The following NALCN variants were observed in gnomAD, a reference collection of about 807,000 sequenced individuals.
NALCN encodes sodium leak channel NALCN.
NALCN carries 111 observed loss-of-function variants against 225.3 expected under a neutral mutation model. The ratio of observed to expected loss-of-function variants is 0.49; its 90% CI spans 0.42 to 0.58. The LOEUF (loss-of-function observed/expected upper bound fraction) is 0.58. NALCN is among the 20% of genes least tolerant of loss of function. NALCN has a pLI of 0.00. For missense variants in NALCN, 1,378 were observed against 2,202.4 expected (o/e 0.63, Z 7.49); for synonymous variants, 764 against 769.0 (o/e 0.99, Z 0.11).
intron 15 of NALCN, among the ~76,000 whole-genome samples, chr13:101,175,786 A>T (rs1401888461): frequency 6.6e-6 from 1 of 152,216 alleles, no homozygotes; most frequent in Non-Finnish European, 1.5e-5. Flanking sequence ...TCTCTGGGGT[A>T]TAACTTTCAC....
At chr13:101,160,770 G>A (rs1594335869) in intron 15 of NALCN, among the ~76,000 whole-genome samples, 1 of 152,122 alleles carries the variant, frequency 6.6e-6, no homozygotes, top group East Asian at 1.9e-4. Context: ...GCCAAAGACA[G>A]GGACTTTCTA....
At chr13:101,362,459 T>C (rs984410627) in intron 6 of NALCN, among the ~76,000 whole-genome samples, 8 of 152,076 alleles carry the variant, frequency 5.3e-5, no homozygotes, top group Non-Finnish European at 1.0e-4. Flanking sequence ...ATAAACATGA[T>C]ACATTACATA....
chr13:101,366,142 A>G (rs1164058709), intron 6 of NALCN, among the ~76,000 whole-genome samples: 1 of 152,066 alleles, frequency 6.6e-6, no homozygotes, highest in African/African-American at 2.4e-5. Context: ...TGCTCTCCTC[A>G]ACTTTCTTTA....
At chr13:101,220,237 A>G (rs147195006) in intron 13 of NALCN, among the ~76,000 whole-genome samples, 3 of 152,314 alleles carry the variant, frequency 2.0e-5, no homozygotes, top group Non-Finnish European at 4.4e-5. Flanking sequence ...TGTTCTGGTC[A>G]TGTCCTGTGC....
At chr13:101,349,576 C>T (rs778852755) in intron 6 of NALCN, among the ~76,000 whole-genome samples, 2 of 152,148 alleles carry the variant, frequency 1.3e-5, no homozygotes, top group South Asian at 4.1e-4. Flanking sequence ...GGGAGGAAGA[C>T]ACAGATGCAA....
chr13:101,385,528 C>G (rs1305048785), intron 3 of NALCN, among the ~76,000 whole-genome samples: 1 of 152,156 alleles, frequency 6.6e-6, no homozygotes, highest in Non-Finnish European at 1.5e-5. Context: ...CCCAGAATCA[C>G]TATGAACCTA....
At chr13:101,146,261 G>A (rs2037338183) in intron 15 of NALCN, among the ~76,000 whole-genome samples, 1 of 152,144 alleles carries the variant, frequency 6.6e-6, no homozygotes, top group South Asian at 2.1e-4. Flanking sequence ...GGTAGCCTTT[G>A]GTTTTTCTGT....
chr13:101,289,642 T>C (rs2043477669), intron 9 of NALCN, among the ~76,000 whole-genome samples: 1 of 151,976 alleles, frequency 6.6e-6, no homozygotes, highest in Non-Finnish European at 1.5e-5. Context: ...AGTCCTTTGA[T>C]GAGAATAGCC....
At chr13:101,371,508 T>G (rs2046539273) in intron 6 of NALCN, among the ~76,000 whole-genome samples, 1 of 152,160 alleles carries the variant, frequency 6.6e-6, no homozygotes, top group South Asian at 2.1e-4. Flanking sequence ...ATTTTTATTT[T>G]TTTAAAAACT....
At chr13:101,378,881 A>G (rs367802803) in intron 3 of NALCN, among the ~76,000 whole-genome samples, 11 of 149,934 alleles carry the variant, frequency 7.3e-5, no homozygotes, top group Admixed American at 4.7e-4. Context: ...TAATTCATGC[A>G]AAGGGAAAAT....
In NALCN at chr13:101,104,311, T is replaced by A. The variant is rs1312952522; in HGVS notation, c.2873A>T (p.Asp958Val). The change falls in exon 25 of 44, where the codon GAC (aspartate) becomes GTC (valine). Residue 958 changes from aspartate to valine, a missense_variant. Physicochemically the swap from Asp to Val is radical, Grantham distance 152 (BLOSUM62 -3). Around this residue, in one of 19 missense-constraint regions of NALCN, gnomAD observed 292 missense variants for 409.5 expected, o/e 0.71. Transcript: ENST00000251127. The surrounding 1 kb of genome is among the most constrained non-coding windows in gnomAD (Gnocchi z 4.2). ...AAGACTTACAAGATATATAAATATG[T>A]CCATTACTCCACCGAAGTCCCTGAT... ...AVIRDFGGVM[D>V]IFIYLVSLIF... The A allele has an allele frequency of 6.2e-7, 1 of 1,609,278 alleles. No homozygotes were observed. The highest frequency in any genetic ancestry group is 1.3e-5 in the African/African-American group (1 of 74,542).
At chr13:101,384,328 C>T (rs1193038783) in intron 3 of NALCN, among the ~76,000 whole-genome samples, 2 of 152,002 alleles carry the variant, frequency 1.3e-5, no homozygotes, top group African/African-American at 4.8e-5. Context: ...ACTTTGGTGG[C>T]TGAGGAGAGG....
rs557940676 is a variant in NALCN, at chr13:101,209,029, A to G, written c.1627-16975T>C. Among the ~76,000 whole-genome samples the G allele has an allele frequency of 2.0e-5, 3 of 152,190 alleles. No homozygotes were observed. In the East Asian group the frequency reaches 5.8e-4, roughly 29 times the overall value. On this transcript the variant is annotated intron_variant, in intron 13 of 43. Coordinates refer to ENST00000251127, the MANE Select transcript of NALCN (RefSeq NM_052867.4). ...ACACTTCTAGTTATTGTAGCCTTAT[A>G]TGTTTTCTTGTTGGTTCTCATCAAT...
At chr13:101,397,109 T>TATATATATACACAC (rs1169730118) in intron 2 of NALCN, among the ~76,000 whole-genome samples, 2 of 80,970 alleles carry the variant, frequency 2.5e-5, no homozygotes, top group African/African-American at 8.9e-5. Context: ...TATATATATA[T>TATATATATACACAC]ACATACACAT....
intron 13 of NALCN, among the ~76,000 whole-genome samples, chr13:101,205,602 G>A (rs2040281310): frequency 6.6e-6 from 1 of 152,082 alleles, no homozygotes; most frequent in Admixed American, 6.6e-5. Context: ...GTGAAAATGA[G>A]ACCTGGAGAT....
At chr13:101,314,944 C>T (rs1054976274) in intron 7 of NALCN, among the ~76,000 whole-genome samples, 11 of 152,006 alleles carry the variant, frequency 7.2e-5, no homozygotes, top group Admixed American at 6.6e-4. Flanking sequence ...ACAATGCTGG[C>T]GAGATACTAA....
At chr13:101,248,197 G>T (rs1286774859) in intron 11 of NALCN, among the ~76,000 whole-genome samples, 1 of 152,006 alleles carries the variant, frequency 6.6e-6, no homozygotes, top group East Asian at 1.9e-4. Flanking sequence ...AATTTTCAAA[G>T]AAGTTTAAGA....
intron 7 of NALCN, among the ~76,000 whole-genome samples, chr13:101,300,961 T>C (rs543871432): frequency 6.6e-5 from 10 of 152,256 alleles, no homozygotes; most frequent in African/African-American, 2.4e-4. Flanking sequence ...ACTTGCCATA[T>C]TGGTAAACTC....
At chr13:101,384,374 C>T (rs996000467) in intron 3 of NALCN, among the ~76,000 whole-genome samples, 5 of 151,890 alleles carry the variant, frequency 3.3e-5, no homozygotes, top group South Asian at 2.1e-4. Context: ...ATTTTTATAA[C>T]GGTAAACACT....
Sources: gnomAD v4.1 joint callset for allele counts (sites outside exome capture counted in the v4.1 genomes callset) on GRCh38, gnomAD v4.1.1 for gene constraint, gnomAD v4.1.1 regional missense constraint, Gnocchi (gnomAD v3.1) non-coding constraint, MANE v1.5 for transcripts, NCBI Gene and HGNC (gene_info 2026-07-23, HGNC 2026-07-21) for gene names.